FSTL5: variants seen among roughly 807,000 people sequenced by gnomAD.
FSTL5 encodes the protein follistatin like 5.
In FSTL5, 62 loss-of-function variants were observed where a neutral mutation model predicts 89.1. The observed-to-expected ratio is 0.70, with a 90% CI of 0.57 to 0.86. FSTL5 has a LOEUF of 0.86. Among genes scored for constraint, FSTL5 ranks in the 40% least tolerant of loss-of-function variants. FSTL5 has a pLI of 0.00. For missense variants in FSTL5, 1,057 were observed against 1,001.6 expected, an observed-to-expected ratio of 1.06 and a Z score of -0.75; for synonymous variants, 383 against 346.2, an observed-to-expected ratio of 1.11 and a Z score of -1.18.
At chr4:161,546,440 T>C (rs963012762) in intron 8 of FSTL5, among the ~76,000 whole-genome samples, 1 of 151,224 alleles carries the variant, frequency 6.6e-6, no homozygotes, top group East Asian at 1.9e-4. Context: ...AGGTGACACA[T>C]AGACATTACA....
chr4:161,785,679 T>C (rs1560845184), intron 4 of FSTL5, among the ~76,000 whole-genome samples: 1 of 152,168 alleles, frequency 6.6e-6, no homozygotes, highest in Non-Finnish European at 1.5e-5. Context: ...CCCAGAAATC[T>C]ACATTTATAG....
chr4:161,693,325 T>G (rs987296892), intron 6 of FSTL5, among the ~76,000 whole-genome samples: 1 of 152,172 alleles, frequency 6.6e-6, no homozygotes, highest in Non-Finnish European at 1.5e-5. Flanking sequence ...ACAGAAAATA[T>G]TATGATGTGT....
intron 2 of FSTL5, among the ~76,000 whole-genome samples, chr4:162,107,115 G>A (rs1015789625): frequency 6.6e-6 from 1 of 152,176 alleles, no homozygotes; most frequent in African/African-American, 2.4e-5. Flanking sequence ...TCACATGAAT[G>A]TGGGGAGAAC....
intron 3 of FSTL5, among the ~76,000 whole-genome samples, chr4:161,956,351 T>A (rs1314653077): frequency 1.3e-5 from 2 of 151,780 alleles, no homozygotes; most frequent in African/African-American, 4.8e-5. Context: ...AATGCACGTA[T>A]GACACATAAA....
chr4:161,704,985 A>G (rs1016281252), intron 6 of FSTL5, among the ~76,000 whole-genome samples: 3 of 152,102 alleles, frequency 2.0e-5, no homozygotes, highest in African/African-American at 7.2e-5. Flanking sequence ...TCTGTTACTT[A>G]AAAAAGCCTC....
chr4:161,980,764 C>CTTTTTT (rs34223215), intron 3 of FSTL5, among the ~76,000 whole-genome samples: 4 of 71,826 alleles, frequency 5.6e-5, no homozygotes, highest in African/African-American at 1.1e-4. Context: ...CTTCAAGTAA[C>CTTTTTT]TTTTTTTTTT....
chr4:161,386,427 CTT>C lies in FSTL5; in HGVS notation c.1862_1863del (p.Lys621ArgfsTer2). On this transcript the variant is annotated frameshift_variant, in exon 16 of 16. Transcript: ENST00000306100. LOFTEE classifies it low-confidence loss of function (END_TRUNC). ...THMRFGFILH[K>X]DEAALQKIDL... ...TCAATTTTTTGTAGTGCAGCTTCAT[CTT>C]TATGAAGAATAAATCCAAACCTGAA... 1 of 1,609,542 alleles carries C rather than the reference CTT, an allele frequency of 6.2e-7. No homozygotes were observed. Among genetic ancestry groups the C allele is most frequent in the East Asian group, 2.2e-5 (1 of 44,762 alleles).
At chr4:162,044,773 A>G (rs775765573) in intron 2 of FSTL5, among the ~76,000 whole-genome samples, 49 of 152,100 alleles carry the variant, frequency 3.2e-4, no homozygotes, top group Non-Finnish European at 6.0e-4. Flanking sequence ...TTCGCCTTGC[A>G]CTCTTATATT....
chr4:161,391,449 C>A (rs6823007), intron 15 of FSTL5, among the ~76,000 whole-genome samples: 8,271 of 152,218 alleles, frequency 0.054, 302 homozygotes, highest in Admixed American at 0.086. Context: ...TCAAAATACG[C>A]TGTTTCAATG....
chr4:161,956,972 G>C (rs910756588), intron 3 of FSTL5, among the ~76,000 whole-genome samples: 1 of 151,852 alleles, frequency 6.6e-6, no homozygotes, highest in African/African-American at 2.4e-5. Flanking sequence ...AGAAAAAATA[G>C]TTCAGCTACA....
At chr4:161,446,392 C>G (rs1482739486) in intron 15 of FSTL5, among the ~76,000 whole-genome samples, 1 of 151,956 alleles carries the variant, frequency 6.6e-6, no homozygotes, top group Non-Finnish European at 1.5e-5. Context: ...TGTTAAGCCA[C>G]AGTAGAATGC....
chr4:161,458,332 C>T (rs112301010), intron 14 of FSTL5, among the ~76,000 whole-genome samples: 2,809 of 152,208 alleles, frequency 0.018, 106 homozygotes, highest in African/African-American at 0.064. Flanking sequence ...TCAAATGACA[C>T]ATATTTCTAG....
At chr4:161,746,221 C>T (rs1376194158) in intron 6 of FSTL5, among the ~76,000 whole-genome samples, 1 of 151,938 alleles carries the variant, frequency 6.6e-6, no homozygotes, top group African/African-American at 2.4e-5. Context: ...AATTTGTTGA[C>T]AGGATTATTA....
chr4:161,557,813 G>A (rs1732444855), intron 8 of FSTL5, among the ~76,000 whole-genome samples: 2 of 151,702 alleles, frequency 1.3e-5, no homozygotes, highest in Non-Finnish European at 2.9e-5. Flanking sequence ...TATCTTAAAT[G>A]AGAAAAATCC....
chr4:162,004,840 C>T (rs28722843), intron 3 of FSTL5, among the ~76,000 whole-genome samples: 39,242 of 151,994 alleles, frequency 0.26, 5,594 homozygotes, highest in Non-Finnish European at 0.32. Context: ...CAGTCCCTGG[C>T]ATACAGTGGA....
At chr4:161,629,601 T>G (rs1735433974) in intron 7 of FSTL5, among the ~76,000 whole-genome samples, 1 of 152,094 alleles carries the variant, frequency 6.6e-6, no homozygotes, top group African/African-American at 2.4e-5. Context: ...CGCCTCGGCC[T>G]CTGAAAGTGC....
intron 3 of FSTL5, among the ~76,000 whole-genome samples, chr4:161,966,481 G>A (rs779078818): frequency 1.3e-5 from 2 of 152,126 alleles, no homozygotes; most frequent in African/African-American, 2.4e-5. Flanking sequence ...TTGAGAAGGT[G>A]ATTGTATTTG....
intron 3 of FSTL5, among the ~76,000 whole-genome samples, chr4:161,953,692 T>C (rs983084209): frequency 6.6e-6 from 1 of 151,646 alleles, no homozygotes. Context: ...AGCAAGCACA[T>C]ATTTTTTTCA....
intron 4 of FSTL5, among the ~76,000 whole-genome samples, chr4:161,848,101 G>C (rs1296363845): frequency 6.8e-6 from 1 of 146,830 alleles, no homozygotes; most frequent in East Asian, 2.0e-4. Flanking sequence ...CTTTCATGAT[G>C]TCTTGTTTTA....
Sources: allele counts gnomAD v4.1 joint callset (sites outside exome capture counted in the v4.1 genomes callset), GRCh38; gene constraint gnomAD v4.1.1; transcripts MANE v1.5; gene names NCBI Gene and HGNC (gene_info 2026-07-23, HGNC 2026-07-21).